The following FSTL5 variants were observed in gnomAD, a reference collection of about 807,000 sequenced individuals.
FSTL5 encodes the protein follistatin like 5, also known as follistatin-related protein 5.
In FSTL5, 62 loss-of-function variants were observed where a neutral mutation model predicts 89.1. That is an observed-to-expected ratio of 0.70 (90% confidence interval 0.57 to 0.86). The LOEUF (loss-of-function observed/expected upper bound fraction) is 0.86, where lower values mean the gene tolerates loss of function less well. Among genes scored for constraint, FSTL5 ranks in the 40% least tolerant of loss-of-function variants. The pLI, the probability that FSTL5 is intolerant of heterozygous loss-of-function variation, is 0.00. For missense variants in FSTL5, 1,057 were observed against 1,001.6 expected (o/e 1.06, Z -0.75); for synonymous variants, 383 against 346.2 (o/e 1.11, Z -1.18).
chr4:161,694,187 G>C (rs28500561), intron 6 of FSTL5, among the ~76,000 whole-genome samples: 6,025 of 152,118 alleles, frequency 0.04, 227 homozygotes, highest in African/African-American at 0.098. Context: ...GTAAAGTTAA[G>C]TAATTGAGAA....
chr4:161,532,782 A>G (rs72685727), intron 10 of FSTL5, among the ~76,000 whole-genome samples: 11,574 of 152,226 alleles, frequency 0.076, 575 homozygotes, highest in Middle Eastern at 0.16. Flanking sequence ...TCACCACAGA[A>G]TATACATTCT....
At chr4:161,434,285 G>A (rs1381035526) in intron 15 of FSTL5, among the ~76,000 whole-genome samples, 2 of 151,974 alleles carry the variant, frequency 1.3e-5, no homozygotes, top group African/African-American at 2.4e-5. Context: ...CAACAAAGGT[G>A]CCAAGAACAT....
intron 2 of FSTL5, among the ~76,000 whole-genome samples, chr4:162,076,296 G>C (rs917587699): frequency 6.6e-6 from 1 of 151,854 alleles, no homozygotes; most frequent in South Asian, 2.1e-4. Flanking sequence ...ACATTTTTGT[G>C]AGCTAAGCAT....
chr4:161,410,962 A>AC (rs1731566769), intron 15 of FSTL5, among the ~76,000 whole-genome samples: 1 of 152,072 alleles, frequency 6.6e-6, no homozygotes, highest in Non-Finnish European at 1.5e-5. Context: ...AAAAAAAAAA[A>AC]AATAAGATTG....
At chr4:161,444,324 C>T (rs1732874625) in intron 15 of FSTL5, among the ~76,000 whole-genome samples, 1 of 151,864 alleles carries the variant, frequency 6.6e-6, no homozygotes, top group Admixed American at 6.6e-5. Context: ...GGACTACTGA[C>T]ACAACACTAT....
At chr4:161,555,696 G>A (rs1199151476) in intron 8 of FSTL5, among the ~76,000 whole-genome samples, 2 of 151,508 alleles carry the variant, frequency 1.3e-5, no homozygotes, top group African/African-American at 4.8e-5. Context: ...ACTCTTCTGA[G>A]GATTAAATGG....
chr4:161,475,810 C>T (rs536267782), intron 13 of FSTL5, among the ~76,000 whole-genome samples: 31 of 150,418 alleles, frequency 2.1e-4, no homozygotes, highest in African/African-American at 3.7e-4. Context: ...AGTGCAGTGG[C>T]GCAATCTCAG....
intron 6 of FSTL5, among the ~76,000 whole-genome samples, chr4:161,701,616 A>C (rs1325431593): frequency 6.6e-6 from 1 of 152,122 alleles, no homozygotes; most frequent in Non-Finnish European, 1.5e-5. Flanking sequence ...CTAATTTATT[A>C]AATAATATCT....
intron 4 of FSTL5, among the ~76,000 whole-genome samples, chr4:161,912,182 A>C (rs1352070109): frequency 6.6e-6 from 1 of 152,208 alleles, no homozygotes; most frequent in African/African-American, 2.4e-5. Context: ...ATTATATTGA[A>C]AAATAGTTGT....
At chr4:161,639,122 C>T (rs1735847539) in intron 7 of FSTL5, among the ~76,000 whole-genome samples, 1 of 151,992 alleles carries the variant, frequency 6.6e-6, no homozygotes, top group Non-Finnish European at 1.5e-5. Context: ...CACTTCTATT[C>T]AACATAGTGT....
intron 4 of FSTL5, among the ~76,000 whole-genome samples, chr4:161,783,923 G>A (rs1207103378): frequency 2.0e-5 from 3 of 148,738 alleles, no homozygotes; most frequent in South Asian, 2.1e-4. Context: ...GTACCACCAT[G>A]CCTGGCTAAT....
chr4:161,954,369 C>CA (rs886287395), intron 3 of FSTL5, among the ~76,000 whole-genome samples: 2 of 151,442 alleles, frequency 1.3e-5, no homozygotes, highest in African/African-American at 2.4e-5. Flanking sequence ...AAAATTTCCA[C>CA]AAAAAATTAT....
At chr4:161,450,373 T>C (rs72973199) in intron 15 of FSTL5, among the ~76,000 whole-genome samples, 2 of 152,074 alleles carry the variant, frequency 1.3e-5, no homozygotes, top group Non-Finnish European at 2.9e-5. Context: ...GCAGCAAAAA[T>C]AAAACAATTG....
intron 3 of FSTL5, among the ~76,000 whole-genome samples, chr4:161,993,529 T>C (rs1736198441): frequency 6.6e-6 from 1 of 152,170 alleles, no homozygotes; most frequent in African/African-American, 2.4e-5. Flanking sequence ...GATAATTGTA[T>C]ATATTTATAG....
chr4:161,626,535 T>A (rs1735322545), intron 7 of FSTL5, among the ~76,000 whole-genome samples: 1 of 152,196 alleles, frequency 6.6e-6, no homozygotes, highest in South Asian at 2.1e-4. Context: ...ACGCACCTAG[T>A]CATCCAGGAG....
chr4:161,611,231 C>CATATATACATAT (rs1734633443), intron 7 of FSTL5, among the ~76,000 whole-genome samples: 1 of 128,490 alleles, frequency 7.8e-6, no homozygotes, highest in Admixed American at 8.2e-5. Context: ...TATGTGTATA[C>CATATATACATAT]ATATATATAT....
At chr4:161,634,668 A>G (rs1578983224) in intron 7 of FSTL5, among the ~76,000 whole-genome samples, 2 of 152,198 alleles carry the variant, frequency 1.3e-5, no homozygotes, top group South Asian at 4.1e-4. Flanking sequence ...ATGATTTTAC[A>G]TATATGTGGA....
chr4:162,162,896 C>T (rs78664651), intron 1 of FSTL5, among the ~76,000 whole-genome samples: 2,702 of 152,260 alleles, frequency 0.018, 38 homozygotes, highest in Middle Eastern at 0.037. Context: ...TTCCCATTTA[C>T]ATCCACCTCT....
intron 10 of FSTL5, among the ~76,000 whole-genome samples, chr4:161,530,205 T>C (rs1454271570): frequency 1.4e-5 from 2 of 142,608 alleles, no homozygotes; most frequent in Non-Finnish European, 3.1e-5. Context: ...AGACCATGTT[T>C]TAATCTATTT....
Sources: gnomAD v4.1 joint callset for allele counts (sites outside exome capture counted in the v4.1 genomes callset) on GRCh38, gnomAD v4.1.1 for gene constraint, MANE v1.5 for transcripts, NCBI Gene and HGNC (gene_info 2026-07-23, HGNC 2026-07-21) for gene names.